VSTM2B: variants seen among roughly 807,000 people sequenced by gnomAD.
VSTM2B encodes the protein V-set and transmembrane domain-containing protein 2B.
VSTM2B carries 24 observed loss-of-function variants against 24.0 expected under a neutral mutation model. The ratio of observed to expected loss-of-function variants is 1.00; its 90% CI spans 0.72 to 1.40. VSTM2B has a LOEUF of 1.40. Ranked by LOEUF, VSTM2B falls within the 40% of genes most tolerant of loss-of-function variation. VSTM2B has a pLI of 0.00. For synonymous variants in VSTM2B, 226 were observed against 194.4 expected (o/e 1.16, Z -1.35); for missense variants, 399 against 416.4 (o/e 0.96, Z 0.36).
chr19:29,547,125 A>AC (rs1263585671), intron 4 of VSTM2B, among the ~76,000 whole-genome samples: 4 of 151,242 alleles, frequency 2.6e-5, no homozygotes, highest in Admixed American at 6.6e-5. Flanking sequence ...AAAATATAGG[A>AC]CCCCCCGTTA....
chr19:29,529,613 G>T (rs1421221931), intron 3 of VSTM2B, among the ~76,000 whole-genome samples: 1 of 152,232 alleles, frequency 6.6e-6, no homozygotes, highest in Admixed American at 6.5e-5. Flanking sequence ...ACAGTCCAAA[G>T]AGCTGGCTGC....
Position 29,562,502 on chromosome 19 carries a change from G to A in VSTM2B, c.770-1344G>A, listed in dbSNP as rs377075260. Among the ~76,000 whole-genome samples, 28 of 152,318 alleles carry A rather than the reference G, an allele frequency of 1.8e-4. 1 individual carries two copies. The South Asian group carries it at 5.0e-3, about 27-fold the overall frequency. ...AGGGTCTCCCACACCCCTCCTCACA[G>A]GCACGGGGCTGCAGCCCAGCTGGTG... On this transcript the variant is annotated intron_variant, in intron 4 of 4. Transcript: ENST00000335523.
At chr19:29,554,162 G>T (rs1406507649) in intron 4 of VSTM2B, among the ~76,000 whole-genome samples, 1 of 152,020 alleles carries the variant, frequency 6.6e-6, no homozygotes, top group African/African-American at 2.4e-5. Flanking sequence ...AAATGTAAAG[G>T]GCAACCAGAG....
chr19:29,529,043 G>A lies in VSTM2B; in HGVS notation c.297+581G>A, dbSNP rs138309914. 662 of 985,474 alleles carry A rather than the reference G, an allele frequency of 6.7e-4. 2 individuals are homozygous for A. In the African/African-American group the frequency reaches 0.011, roughly 16 times the overall value. 61.0% of individuals were successfully genotyped at this position (985,474 alleles called of 1,614,324 possible). A position where few individuals can be genotyped will look rare whatever the true frequency, so the allele number is the denominator to read the frequency against. ...GGAGATGCGCCCAAGCTTCCCACCT[G>A]GAGCGTAGAAAGGCCTGGAGATGAC... On this transcript the variant is annotated intron_variant, in intron 3 of 4. Transcript: ENST00000335523.
intron 2 of VSTM2B, 119 bp from the exon 3 acceptor site, chr19:29,528,314 C>T (rs1969637176): frequency 2.4e-6 from 3 of 1,272,788 alleles, no homozygotes; most frequent in East Asian, 5.1e-5. Context: ...ACCCCCATCC[C>T]CCGGGCGGTT....
chr19:29,564,158 A>C lies in VSTM2B; in HGVS notation c.*224A>C. The C allele has an allele frequency of 2.1e-6, 1 of 475,476 alleles. No homozygotes were observed. The highest frequency in any genetic ancestry group is 2.5e-5 in the South Asian group (1 of 40,732). The allele number at this position is 475,476 out of a possible 1,614,324, so 29.5% of individuals were successfully genotyped here. On this transcript the variant is annotated 3_prime_UTR_variant, in exon 5 of 5. Transcript: ENST00000335523. ...TTGGAGTTTGGCCCATGCAGTCTGC[A>C]TGGGAATCAATGATTTCTCTACTTC...
chr19:29,555,345 T>G (rs978771500), intron 4 of VSTM2B, among the ~76,000 whole-genome samples: 1 of 152,156 alleles, frequency 6.6e-6, no homozygotes, highest in African/African-American at 2.4e-5. Flanking sequence ...AATCAAGAAG[T>G]TATTTGAAAT....
chr19:29,553,265 C>A (rs8108742), intron 4 of VSTM2B, among the ~76,000 whole-genome samples: 8,580 of 152,244 alleles, frequency 0.056, 432 homozygotes, highest in African/African-American at 0.13. Context: ...CTTTGCTGTT[C>A]TGTAGCCTCC....
chr19:29,556,723 G>C (rs1970418443), intron 4 of VSTM2B, among the ~76,000 whole-genome samples: 1 of 152,058 alleles, frequency 6.6e-6, no homozygotes, highest in Admixed American at 6.6e-5. Context: ...GTATTCCTGT[G>C]ATAGACAAGC....
At chr19:29,528,512 C>G (rs1969642611) in intron 3 of VSTM2B, 50 bp downstream of exon 3, 1 of 1,548,878 alleles carries the variant, frequency 6.5e-7, no homozygotes, top group South Asian at 1.2e-5. Context: ...CTGGCCGCCT[C>G]GGGTCCCGCA....
rs1433511050 is a variant in VSTM2B at position 29,526,875 on chromosome 19, G to A, written c.82+210G>A. ...CGCCCGAGTCGTTCCCAGTCCCGCC[G>A]GGGCCCCGGCTGCGGAAAGGATGCC... On this transcript the variant is annotated intron_variant, in intron 1 of 4. Transcript: ENST00000335523. This position sits in a 1 kb window ranked among gnomAD's most constrained non-coding sequence, Gnocchi z 4.1. The A allele has an allele frequency of 6.3e-6, 3 of 479,946 alleles. No individual in the cohort carries two copies. Among genetic ancestry groups the A allele is most frequent in the Non-Finnish European group, 1.1e-5 (3 of 279,064 alleles). The allele number at this position is 479,946 out of a possible 1,614,324, so 29.7% of individuals were successfully genotyped here. A position where few individuals can be genotyped will look rare whatever the true frequency, so the allele number is the denominator to read the frequency against.
chr19:29,559,823 G>A (rs1970488576), intron 4 of VSTM2B, among the ~76,000 whole-genome samples: 1 of 152,132 alleles, frequency 6.6e-6, no homozygotes, highest in Non-Finnish European at 1.5e-5. Context: ...TGTTTGTATT[G>A]TTAGCTTTTG....
chr19:29,545,221 GGAGAGAGGTAGCCAGGC>G (rs928579222), intron 4 of VSTM2B, among the ~76,000 whole-genome samples: 1 of 152,116 alleles, frequency 6.6e-6, no homozygotes, highest in African/African-American at 2.4e-5. Context: ...AGGGGTGCGG[GGAGAGAGGTAGCCAGGC>G]GAGAAGAGTT....
At chr19:29,559,427 C>T (rs573111655) in intron 4 of VSTM2B, among the ~76,000 whole-genome samples, 39 of 151,912 alleles carry the variant, frequency 2.6e-4, no homozygotes, top group Non-Finnish European at 3.2e-4. Context: ...CACATGGACA[C>T]GGGAGGGGAA....
chr19:29,546,670 G>GCCCCC (rs201235419), intron 4 of VSTM2B, among the ~76,000 whole-genome samples: 5 of 150,320 alleles, frequency 3.3e-5, no homozygotes, highest in African/African-American at 9.9e-5. Flanking sequence ...CCGCTGGGGA[G>GCCCCC]CCCCCACCCC....
chr19:29,553,532 G>A lies in VSTM2B; in HGVS notation c.770-10314G>A, dbSNP rs185204253. Among the ~76,000 whole-genome samples the A allele has an allele frequency of 2.4e-4, 36 of 152,302 alleles. No homozygotes were observed. The South Asian group carries it at 4.1e-3, about 18-fold the overall frequency. ...TGAAAGAACACTGAAAACTCAGAAC[G>A]CCAGAGTGCCTCTTCTCCTCCAAAT... On this transcript the variant is annotated intron_variant, in intron 4 of 4. Transcript: ENST00000335523.
intron 4 of VSTM2B, among the ~76,000 whole-genome samples, chr19:29,553,902 C>A (rs1292382899): frequency 1.3e-5 from 2 of 152,162 alleles, no homozygotes; most frequent in Non-Finnish European, 2.9e-5. Flanking sequence ...TGAACAAAAC[C>A]TCCAAGAACT....
intron 4 of VSTM2B, among the ~76,000 whole-genome samples, chr19:29,544,255 G>A (rs952267559): frequency 6.6e-6 from 1 of 151,702 alleles, no homozygotes; most frequent in Admixed American, 6.6e-5. Context: ...GGCCGGGCGC[G>A]GTGGCTCACG....
At chr19:29,540,387 G>T (rs1966853561) in intron 4 of VSTM2B, among the ~76,000 whole-genome samples, 1 of 152,242 alleles carries the variant, frequency 6.6e-6, no homozygotes, top group Non-Finnish European at 1.5e-5. Context: ...TAGTAGTTGG[G>T]AAGAACTCAG....
Sources: allele counts gnomAD v4.1 joint callset (sites outside exome capture counted in the v4.1 genomes callset), GRCh38; gene constraint gnomAD v4.1.1; non-coding constraint Gnocchi (gnomAD v3.1); transcripts MANE v1.5; gene names NCBI Gene and HGNC (gene_info 2026-07-23, HGNC 2026-07-21).